TUT4: variants seen among roughly 807,000 people sequenced by gnomAD.
TUT4 encodes the protein terminal uridylyltransferase 4.
A neutral mutation model predicts 192.2 loss-of-function variants in TUT4; 36 were observed. The ratio of observed to expected loss-of-function variants is 0.19; its 90% CI spans 0.14 to 0.25. TUT4 has a LOEUF of 0.25. Among genes scored for constraint, TUT4 ranks in the 10% least tolerant of loss-of-function variants. TUT4 has a pLI of 1.00. For synonymous variants in TUT4, 618 were observed against 666.0 expected (o/e 0.93, Z 1.11); for missense variants, 1,493 against 1,957.2 (o/e 0.76, Z 4.47).
intron 5 of TUT4, 47 bp downstream of exon 5, chr1:52,496,959 G>T (rs370146391): frequency 1.9e-6 from 3 of 1,563,214 alleles, no homozygotes; most frequent in African/African-American, 2.7e-5. Flanking sequence ...GAGGAGCAAG[G>T]GAAGAGTTTT....
At chr1:52,542,236 T>C (rs1571493687) in intron 1 of TUT4, among the ~76,000 whole-genome samples, 1 of 152,174 alleles carries the variant, frequency 6.6e-6, no homozygotes, top group African/African-American at 2.4e-5. Flanking sequence ...GAGTTTCAGC[T>C]TGGGAAAATG....
At position 52,436,978 on chromosome 1, in the gene TUT4, G is replaced by T; in HGVS notation, c.3939C>A (p.Ser1313Arg). The change falls in exon 26 of 30, where the codon AGC becomes AGA. Residue 1313 changes from serine (S) to arginine (R), a missense_variant and splice_region_variant. Coordinates refer to ENST00000257177, the MANE Select transcript of TUT4 (RefSeq NM_001009881.3). ...TCTTCTTTAGTCTAAACAGTAAACT[G>T]CTGATACCAATAATGTGGGGCTAGG... ...HYMKDCPKRK[S>R]SLLFRLKKKD... 1 of 1,613,028 alleles carries T rather than the reference G, an allele frequency of 6.2e-7. No individual in the cohort carries two copies. The highest frequency in any genetic ancestry group is 8.5e-7 in the Non-Finnish European group (1 of 1,179,760).
chr1:52,472,200 T>C, intron 13 of TUT4, 98 bp from the exon 14 acceptor site: 2 of 1,174,442 alleles, frequency 1.7e-6, no homozygotes, highest in Middle Eastern at 2.0e-4. Context: ...TAACTCAGTT[T>C]TGATAACCTG....
chr1:52,461,492 G>A (rs768942773), intron 18 of TUT4, 21 bp downstream of exon 18: 1 of 1,587,426 alleles, frequency 6.3e-7, no homozygotes, highest in South Asian at 1.1e-5. Context: ...GTATATACAT[G>A]GCCTATAAAG....
chr1:52,488,977 G>C lies in TUT4; in HGVS notation c.1447C>G (p.Leu483Val). The C allele has an allele frequency of 3.1e-6, 5 of 1,613,818 alleles. No individual in the cohort carries two copies. Among genetic ancestry groups the C allele is most frequent in the Non-Finnish European group, 4.2e-6 (5 of 1,179,864 alleles). ...NDMACLTTDL[L>V]TALGKIEPVF... is the part of the protein sequence containing the mutation. ...GGTTCTATTTTGCCAAGGGCAGTAA[G>C]TAAATCAGTAGTGAGACATGCCATA... The change falls in exon 9 of 30, where the codon CTT becomes GTT. Residue 483 changes from leucine (L) to valine (V), a missense_variant. Coordinates refer to ENST00000257177, the MANE Select transcript of TUT4 (RefSeq NM_001009881.3).
At chr1:52,467,025 G>A (rs1165535434) in intron 15 of TUT4, among the ~76,000 whole-genome samples, 1 of 152,074 alleles carries the variant, frequency 6.6e-6, no homozygotes, top group Non-Finnish European at 1.5e-5. Context: ...CACACCTGTA[G>A]TCCTAACGAC....
In TUT4 at chr1:52,423,729, TAC is replaced by T; in HGVS notation, c.*204_*205del. ...ATAGTTCATATTTATATACAAATAA[TAC>T]AGTCTGTAAAAACAGTCTTAGAATT... On this transcript the variant is annotated 3_prime_UTR_variant, in exon 30 of 30. Coordinates refer to ENST00000257177, the MANE Select transcript of TUT4 (RefSeq NM_001009881.3). The T allele has an allele frequency of 1.1e-5, 13 of 1,220,734 alleles. No individual in the cohort carries two copies. The highest frequency in any genetic ancestry group is 1.5e-5 in the Non-Finnish European group (13 of 881,634). 75.6% of individuals were successfully genotyped at this position (1,220,734 alleles called of 1,614,324 possible).
At chr1:52,510,037 G>A (rs1390464540) in intron 3 of TUT4, among the ~76,000 whole-genome samples, 2 of 152,108 alleles carry the variant, frequency 1.3e-5, no homozygotes, top group Admixed American at 6.6e-5. Context: ...GTCGGGCTGA[G>A]TGTGGTGGCT....
upstream of TUT4, chr1:52,553,423 G>C (rs954616908): frequency 6.6e-6 from 1 of 151,780 alleles, no homozygotes; most frequent in African/African-American, 2.4e-5. Flanking sequence ...TAGGAGGATC[G>C]CGCACTCACA....
chr1:52,527,948 G>A (rs910260164), intron 1 of TUT4, among the ~76,000 whole-genome samples: 2 of 152,210 alleles, frequency 1.3e-5, no homozygotes, highest in Middle Eastern at 6.8e-3. Flanking sequence ...GGAGGCCGAG[G>A]TGGGCAGATC....
chr1:52,511,725 A>T (rs988598178), intron 3 of TUT4, among the ~76,000 whole-genome samples: 25 of 152,178 alleles, frequency 1.6e-4, no homozygotes, highest in African/African-American at 6.0e-4. Context: ...CATAACTGGG[A>T]ACAGAGAGCT....
intron 4 of TUT4, among the ~76,000 whole-genome samples, chr1:52,501,503 T>A (rs1439836866): frequency 6.6e-6 from 1 of 152,074 alleles, no homozygotes; most frequent in Admixed American, 6.5e-5. Flanking sequence ...CCTTGTGCAT[T>A]ACTGGTAAAG....
Position 52,461,558 on chromosome 1 carries a change from G to A in TUT4, c.3186C>T (p.His1062=). Residue 1062 remains histidine (H), a synonymous_variant, in exon 18 of 30, where the codon CAC becomes CAT. Coordinates refer to ENST00000257177, the MANE Select transcript of TUT4 (RefSeq NM_001009881.3). ...TAKVPIVKFE[H]RRSGLEGDIS... is the part of the protein sequence containing the mutation. ...TATCGCCTTCTAACCCACTTCGCCT[G>A]TGTTCAAATTTTACTATAGGCACTT... 1.9e-6 allele frequency: 3 copies of A among 1,613,068 alleles called. No individual in the cohort carries two copies. Among genetic ancestry groups the A allele is most frequent in the Non-Finnish European group, 2.5e-6 (3 of 1,179,574 alleles).
chr1:52,496,127 T>G (rs1426772301), intron 5 of TUT4, among the ~76,000 whole-genome samples: 1 of 152,126 alleles, frequency 6.6e-6, no homozygotes, highest in East Asian at 1.9e-4. Context: ...GAGGCCAATT[T>G]GAAAATAATA....
chr1:52,482,535 C>A (rs1668741253), intron 9 of TUT4, among the ~76,000 whole-genome samples: 1 of 152,100 alleles, frequency 6.6e-6, no homozygotes, highest in Non-Finnish European at 1.5e-5. Context: ...AACCTCCCAG[C>A]CTCAAGTGAT....
At chr1:52,482,647 C>T (rs1343030776) in intron 9 of TUT4, among the ~76,000 whole-genome samples, 1 of 152,136 alleles carries the variant, frequency 6.6e-6, no homozygotes, top group East Asian at 1.9e-4. Context: ...GTTGCCCAGG[C>T]TGGTCTCGAA....
chr1:52,500,795 G>A (rs1257985582), intron 4 of TUT4, among the ~76,000 whole-genome samples: 1 of 151,904 alleles, frequency 6.6e-6, no homozygotes, highest in Admixed American at 6.6e-5. Flanking sequence ...AATTAGCCAG[G>A]CATGGTGGCA....
intron 1 of TUT4, among the ~76,000 whole-genome samples, chr1:52,542,532 C>T (rs997969552): frequency 4.5e-4 from 68 of 152,258 alleles, no homozygotes; most frequent in African/African-American, 1.5e-3. Flanking sequence ...CGAAAAACCA[C>T]ATGATCATCT....
At chr1:52,513,643 G>C (rs940386951) in intron 3 of TUT4, among the ~76,000 whole-genome samples, 2 of 151,958 alleles carry the variant, frequency 1.3e-5, no homozygotes, top group Non-Finnish European at 2.9e-5. Flanking sequence ...TTTCACCCCA[G>C]GCCATTTTTC....
Sources: allele counts gnomAD v4.1 joint callset (sites outside exome capture counted in the v4.1 genomes callset), GRCh38; gene constraint gnomAD v4.1.1; transcripts MANE v1.5; gene names NCBI Gene and HGNC (gene_info 2026-07-23, HGNC 2026-07-21).